The following PLPPR5 variants were observed in gnomAD, a reference collection of about 807,000 sequenced individuals.
The protein encoded by PLPPR5 is phospholipid phosphatase-related protein type 5.
PLPPR5 carries 16 observed loss-of-function variants against 33.9 expected under a neutral mutation model. The observed-to-expected ratio is 0.47, with a 90% CI of 0.32 to 0.72. PLPPR5 has a LOEUF of 0.72. Ranked by LOEUF, PLPPR5 falls within the 30% of genes least tolerant of loss-of-function variation. The pLI is 0.03. For synonymous variants in PLPPR5, 163 were observed against 150.3 expected (o/e 1.08, Z -0.62); for missense variants, 301 against 406.7 (o/e 0.74, Z 2.23).
At chr1:98,929,398 A>G (rs922706710) in intron 3 of PLPPR5, among the ~76,000 whole-genome samples, 4 of 152,218 alleles carry the variant, frequency 2.6e-5, no homozygotes, top group African/African-American at 9.6e-5. Context: ...TCCTTATTGT[A>G]TTTGAAAATC....
intron 5 of PLPPR5, among the ~76,000 whole-genome samples, chr1:98,904,364 A>C (rs921254257): frequency 6.6e-6 from 1 of 151,564 alleles, no homozygotes; most frequent in East Asian, 1.9e-4. Context: ...GATGGAAAAA[A>C]TCATTTCCTC....
At chr1:98,907,220 C>G (rs78950418) in intron 5 of PLPPR5, among the ~76,000 whole-genome samples, 1 of 78,728 alleles carries the variant, frequency 1.3e-5, no homozygotes, top group African/African-American at 4.8e-5. Context: ...TTTTTTTTTT[C>G]TGATGAAGTC....
intron 3 of PLPPR5, among the ~76,000 whole-genome samples, chr1:98,936,138 A>G (rs906329936): frequency 6.6e-6 from 1 of 152,234 alleles, no homozygotes; most frequent in African/African-American, 2.4e-5. Context: ...TTTGAGAATT[A>G]TAATAGTACC....
At chr1:98,945,957 C>T (rs895709165) in intron 3 of PLPPR5, among the ~76,000 whole-genome samples, 1 of 152,174 alleles carries the variant, frequency 6.6e-6, no homozygotes, top group Non-Finnish European at 1.5e-5. Context: ...TCTGTACTCA[C>T]CCTGCCATGG....
intron 1 of PLPPR5, among the ~76,000 whole-genome samples, chr1:98,962,416 C>T (rs987496846): frequency 1.3e-5 from 2 of 152,104 alleles, no homozygotes; most frequent in African/African-American, 4.8e-5. Context: ...AGATCTTATT[C>T]CTTCTAACTG....
At chr1:98,946,648 T>C (rs1352091076) in intron 3 of PLPPR5, among the ~76,000 whole-genome samples, 1 of 152,136 alleles carries the variant, frequency 6.6e-6, no homozygotes, top group Non-Finnish European at 1.5e-5. Flanking sequence ...CCCGTGATGC[T>C]TGCCAGCAGG....
At chr1:98,913,863 A>G (rs1649244963) in intron 5 of PLPPR5, among the ~76,000 whole-genome samples, 1 of 152,190 alleles carries the variant, frequency 6.6e-6, no homozygotes, top group Admixed American at 6.5e-5. Flanking sequence ...GTGGTTCACA[A>G]AAGTCTCAAG....
chr1:98,906,511 A>C (rs763954074), intron 5 of PLPPR5, among the ~76,000 whole-genome samples: 1 of 152,042 alleles, frequency 6.6e-6, no homozygotes, highest in Non-Finnish European at 1.5e-5. Flanking sequence ...AAGAAGGCAG[A>C]AGCAAGAATA....
intron 1 of PLPPR5, among the ~76,000 whole-genome samples, chr1:98,993,326 C>G (rs530681302): frequency 6.6e-6 from 1 of 151,974 alleles, no homozygotes; most frequent in Non-Finnish European, 1.5e-5. Context: ...ACAGAAAGAG[C>G]CTGATAGTGT....
Position 98,953,225 on chromosome 1 carries a change from T to C in PLPPR5, c.466A>G (p.Lys156Glu). 1 of 1,614,124 alleles carries C rather than the reference T, an allele frequency of 6.2e-7. No homozygotes were observed. Among genetic ancestry groups the C allele is most frequent in the Admixed American group, 1.7e-5 (1 of 60,022 alleles). The change falls in exon 3 of 6, where the codon AAG (lysine) becomes GAG (glutamate). Residue 156 changes from lysine to glutamate, a missense_variant. Transcript: ENST00000263177. ...NLAPHFLALCKPNYTALGCQQ... is the reference protein window; with the variant it reads ...NLAPHFLALCEPNYTALGCQQ... ...CATCCAAGTGCTGTATAATTGGGCTTACACAGGGCAAGGAAATGTGGGGCC... is the reference window on the plus strand; with the variant it reads ...CATCCAAGTGCTGTATAATTGGGCTCACACAGGGCAAGGAAATGTGGGGCC...
At chr1:98,920,059 G>C (rs1224580017) in intron 4 of PLPPR5, among the ~76,000 whole-genome samples, 1 of 152,084 alleles carries the variant, frequency 6.6e-6, no homozygotes, top group Admixed American at 6.5e-5. Context: ...GAGAGTATGG[G>C]AATGTTCAAA....
chr1:99,004,455 C>A lies in PLPPR5; in HGVS notation c.217G>T (p.Ala73Ser), dbSNP rs767311969. The change falls in exon 1 of 6, where the codon GCC becomes TCC. Residue 73 changes from alanine (A) to serine (S), a missense_variant. Physicochemically the swap from Ala to Ser is moderately conservative, Grantham distance 99. Transcript: ENST00000263177. ...VPPVLLYSLA[A>S]GVPVLVIIVG... is the part of the protein sequence containing the mutation. ...CTTACCACGAGCACGGGGACCCCGG[C>A]GGCCAGCGAGTAGAGGAGCACGGGG... 1.8e-5 allele frequency: 29 copies of A among 1,606,034 alleles called. No individual in the cohort carries two copies. The African/African-American group carries it at 3.2e-4, about 18-fold the overall frequency.
At chr1:98,947,945 A>C (rs529560269) in intron 3 of PLPPR5, among the ~76,000 whole-genome samples, 1 of 152,240 alleles carries the variant, frequency 6.6e-6, no homozygotes, top group Non-Finnish European at 1.5e-5. Context: ...ACGTTTCAGC[A>C]TTACATTACG....
At chr1:98,958,135 T>C (rs755463397) in intron 1 of PLPPR5, among the ~76,000 whole-genome samples, 16 of 152,214 alleles carry the variant, frequency 1.1e-4, no homozygotes, top group Admixed American at 2.0e-4. Context: ...TAATTTGTCA[T>C]TGTGAAGTTT....
At chr1:98,959,007 C>T (rs193070604) in intron 1 of PLPPR5, among the ~76,000 whole-genome samples, 24 of 121,648 alleles carry the variant, frequency 2.0e-4, no homozygotes, top group African/African-American at 6.4e-4. Flanking sequence ...GTAGTAGGTA[C>T]CCAATAATTC....
At chr1:98,967,751 T>C (rs1651500541) in intron 1 of PLPPR5, among the ~76,000 whole-genome samples, 2 of 152,144 alleles carry the variant, frequency 1.3e-5, no homozygotes, top group African/African-American at 2.4e-5. Context: ...TGTTATAACA[T>C]TCATAGTAAA....
intron 5 of PLPPR5, among the ~76,000 whole-genome samples, chr1:98,909,169 T>C (rs1043127233): frequency 6.6e-6 from 1 of 151,760 alleles, no homozygotes; most frequent in African/African-American, 2.4e-5. Flanking sequence ...CTAACCTCAG[T>C]TGCCTCCTTA....
Position 98,892,926 on chromosome 1 carries a change from C to A in PLPPR5, c.*146G>T. On this transcript the variant is annotated 3_prime_UTR_variant, in exon 6 of 6. Transcript: ENST00000263177. ...GGAGCTCACAGTCTAGTGGGGGAAA[C>A]AGATAGGTTGACATTGATTTTAAAA... 2 of 784,096 alleles carry A rather than the reference C, an allele frequency of 2.6e-6. No individual in the cohort carries two copies. Among genetic ancestry groups the A allele is most frequent in the Non-Finnish European group, 4.1e-6 (2 of 485,224 alleles). The allele number at this position is 784,096 out of a possible 1,614,324, so 48.6% of individuals were successfully genotyped here.
chr1:98,928,414 T>G (rs1460446228), intron 3 of PLPPR5, among the ~76,000 whole-genome samples: 3 of 151,222 alleles, frequency 2.0e-5, no homozygotes, highest in African/African-American at 7.3e-5. Flanking sequence ...AAAAGAAAAA[T>G]GCAAACTATC....
Sources: gnomAD v4.1 joint callset for allele counts (sites outside exome capture counted in the v4.1 genomes callset) on GRCh38, gnomAD v4.1.1 for gene constraint, MANE v1.5 for transcripts, NCBI Gene and HGNC (gene_info 2026-07-23, HGNC 2026-07-21) for gene names.